Variants in CSMD3 observed in about 807,000 individuals in gnomAD.
The protein encoded by CSMD3 is CUB and Sushi multiple domains 3, also known as CUB and sushi domain-containing protein 3.
Under a neutral mutation model 435.2 loss-of-function variants are expected in CSMD3, and 177 were observed. The ratio of observed to expected loss-of-function variants is 0.41; its 90% CI spans 0.36 to 0.46. The LOEUF (loss-of-function observed/expected upper bound fraction) is 0.46. Among genes scored for constraint, CSMD3 ranks in the 20% least tolerant of loss-of-function variants. The pLI is 0.34. For synonymous variants in CSMD3, 1,656 were observed against 1,520.5 expected (o/e 1.09, Z -2.07); for missense variants, 4,265 against 4,504.6 (o/e 0.95, Z 1.52).
chr8:112,725,103 G>C (rs1167961680), intron 13 of CSMD3, among the ~76,000 whole-genome samples: 1 of 151,946 alleles, frequency 6.6e-6, no homozygotes, highest in East Asian at 1.9e-4. Context: ...GCAGCAAAGA[G>C]AAGCAAAAAA....
intron 32 of CSMD3, among the ~76,000 whole-genome samples, chr8:112,434,931 A>G (rs567972797): frequency 2.6e-5 from 4 of 152,250 alleles, no homozygotes; most frequent in East Asian, 3.9e-4. Flanking sequence ...AACGAATTCA[A>G]TGACGAGTTC....
At chr8:112,421,806 A>T (rs1586271493) in intron 32 of CSMD3, among the ~76,000 whole-genome samples, 1 of 151,568 alleles carries the variant, frequency 6.6e-6, no homozygotes, top group South Asian at 2.1e-4. Flanking sequence ...ATGAATAAAA[A>T]ACATTTTTAA....
At chr8:112,354,591 C>T (rs550335753) in intron 38 of CSMD3, among the ~76,000 whole-genome samples, 1 of 152,212 alleles carries the variant, frequency 6.6e-6, no homozygotes, top group Non-Finnish European at 1.5e-5. Flanking sequence ...AATGCAACCC[C>T]ATTTACAATA....
At chr8:112,280,374 G>A (rs888110356) in intron 59 of CSMD3, among the ~76,000 whole-genome samples, 1 of 151,936 alleles carries the variant, frequency 6.6e-6, no homozygotes, top group Non-Finnish European at 1.5e-5. Context: ...GGGCTCAGGT[G>A]ATCCTCTCAT....
chr8:112,677,520 T>C (rs2075794822), intron 16 of CSMD3, among the ~76,000 whole-genome samples: 1 of 149,150 alleles, frequency 6.7e-6, no homozygotes, highest in African/African-American at 2.5e-5. Flanking sequence ...TCATACTAGA[T>C]AACTGAGCCA....
intron 35 of CSMD3, among the ~76,000 whole-genome samples, chr8:112,397,196 T>C (rs1024614328): frequency 6.6e-6 from 1 of 152,214 alleles, no homozygotes; most frequent in Admixed American, 6.5e-5. Context: ...TATATTTTCA[T>C]TTATGTAAAG....
intron 3 of CSMD3, among the ~76,000 whole-genome samples, chr8:113,201,362 GA>G (rs1446157233): frequency 6.6e-6 from 1 of 151,846 alleles, no homozygotes; most frequent in Non-Finnish European, 1.5e-5. Context: ...AAGGTTAATT[GA>G]AATTAGTCAT....
Position 112,953,587 on chromosome 8 carries a change from A to G in CSMD3, c.1420+1097T>C, listed in dbSNP as rs1375083804. On this transcript the variant is annotated intron_variant, in intron 8 of 70. Coordinates refer to ENST00000297405, the MANE Select transcript of CSMD3 (RefSeq NM_198123.2). ...TTTTGGATTAATATTCTCAAGTCTA[A>G]CTAATAAAATGTAAAAATCACATTT... Among the ~76,000 whole-genome samples, 3 of 151,552 alleles carry G rather than the reference A, an allele frequency of 2.0e-5. No individual in the cohort carries two copies. In the East Asian group the frequency reaches 5.8e-4, roughly 29 times the overall value.
chr8:113,198,896 T>G (rs2092688813), intron 3 of CSMD3, among the ~76,000 whole-genome samples: 1 of 151,258 alleles, frequency 6.6e-6, no homozygotes, highest in Non-Finnish European at 1.5e-5. Context: ...TTAGAGATAT[T>G]GTAATCTGAA....
intron 50 of CSMD3, among the ~76,000 whole-genome samples, chr8:112,306,404 T>G (rs1360759574): frequency 6.6e-6 from 1 of 152,190 alleles, no homozygotes. Flanking sequence ...AATTGATGAA[T>G]CTATACATTG....
At chr8:112,948,570 A>G (rs772263911) in intron 8 of CSMD3, among the ~76,000 whole-genome samples, 19 of 152,202 alleles carry the variant, frequency 1.2e-4, no homozygotes, top group Non-Finnish European at 2.4e-4. Flanking sequence ...ACCACATTGG[A>G]TATCTAAATC....
At chr8:113,191,682 C>G (rs891623770) in intron 3 of CSMD3, among the ~76,000 whole-genome samples, 2 of 151,724 alleles carry the variant, frequency 1.3e-5, no homozygotes, top group African/African-American at 4.8e-5. Context: ...TAGGCTGATT[C>G]CATGTCTTTC....
intron 4 of CSMD3, among the ~76,000 whole-genome samples, chr8:113,138,182 T>G (rs1250319111): frequency 1.3e-5 from 2 of 151,456 alleles, no homozygotes; most frequent in Non-Finnish European, 3.0e-5. Flanking sequence ...TTATTCAAAG[T>G]GTTTTCCTAA....
At chr8:113,303,117 A>G (rs2093787333) in intron 2 of CSMD3, among the ~76,000 whole-genome samples, 1 of 145,608 alleles carries the variant, frequency 6.9e-6, no homozygotes, top group African/African-American at 2.6e-5. Flanking sequence ...TACAACAACA[A>G]CAGACAAACA....
intron 1 of CSMD3, among the ~76,000 whole-genome samples, chr8:113,399,365 G>A (rs1006176011): frequency 1.5e-4 from 22 of 151,272 alleles, no homozygotes; most frequent in South Asian, 4.2e-4. Context: ...AGAAAACCTC[G>A]TATGCAAACT....
At chr8:112,310,157 C>T (rs919107617) in intron 50 of CSMD3, 2 of 152,158 alleles carry the variant, frequency 1.3e-5, no homozygotes, top group Non-Finnish European at 2.9e-5. Flanking sequence ...GTCTTTATGA[C>T]TATGACTACA....
chr8:113,101,925 A>C (rs568540540), intron 4 of CSMD3, among the ~76,000 whole-genome samples: 2 of 152,274 alleles, frequency 1.3e-5, no homozygotes, highest in South Asian at 2.1e-4. Flanking sequence ...ATTTTAAAAA[A>C]AACAACAACA....
intron 4 of CSMD3, among the ~76,000 whole-genome samples, chr8:113,111,263 C>T (rs911710260): frequency 3.9e-5 from 6 of 151,914 alleles, no homozygotes; most frequent in Non-Finnish European, 7.4e-5. Context: ...TGGGGTACAG[C>T]GTGATGTTTT....
chr8:112,909,878 G>A (rs1032877764), intron 10 of CSMD3, among the ~76,000 whole-genome samples: 2 of 151,736 alleles, frequency 1.3e-5, no homozygotes, highest in African/African-American at 2.4e-5. Context: ...GATTAAGTCC[G>A]GTTAGAAGAG....
Sources: gnomAD v4.1 joint callset for allele counts (sites outside exome capture counted in the v4.1 genomes callset) on GRCh38, gnomAD v4.1.1 for gene constraint, MANE v1.5 for transcripts, NCBI Gene and HGNC (gene_info 2026-07-23, HGNC 2026-07-21) for gene names.